PRDM2: variants seen among roughly 807,000 people sequenced by gnomAD.
PRDM2 encodes PR/SET domain 2.
PRDM2 carries 30 observed loss-of-function variants against 130.0 expected under a neutral mutation model. That is an observed-to-expected ratio of 0.23 (90% CI 0.17 to 0.31). The LOEUF is 0.31. Ranked by LOEUF, PRDM2 falls within the 10% of genes least tolerant of loss-of-function variation. The pLI, the probability that PRDM2 is intolerant of heterozygous loss-of-function variation, is 1.00. For missense variants in PRDM2, 2,011 were observed against 2,108.4 expected (o/e 0.95, Z 0.90); for synonymous variants, 871 against 782.4 (o/e 1.11, Z -1.89).
chr1:13,800,421 G>C (rs976281056), intron 8 of PRDM2, among the ~76,000 whole-genome samples: 1 of 152,224 alleles, frequency 6.6e-6, no homozygotes, highest in Non-Finnish European at 1.5e-5. Flanking sequence ...AAGGGAGGCA[G>C]GGCGCAAACT....
intron 4 of PRDM2, among the ~76,000 whole-genome samples, chr1:13,733,551 C>T (rs1207894828): frequency 6.6e-6 from 1 of 152,156 alleles, no homozygotes; most frequent in Non-Finnish European, 1.5e-5. Flanking sequence ...GTTTTCATTG[C>T]ATTGCCTGAG....
chr1:13,780,417 G>A lies in PRDM2; in HGVS notation c.2622G>A (p.Thr874=), dbSNP rs199595120. ...EFKESHSVQP[T]CSAVKKRKPT... is the part of the protein sequence containing the mutation. ...AAGAAAGTCATTCAGTGCAGCCTAC[G>A]TGTAGTGCTGTAAAGAAAAGGAAAC... is the stretch of plus-strand genomic sequence containing the variant. The change falls in exon 8 of 10, where the codon ACG becomes ACA. Residue 874 remains threonine, a synonymous_variant. Transcript: ENST00000311066. 35 of 1,614,198 alleles carry A rather than the reference G, an allele frequency of 2.2e-5. No individual in the cohort carries two copies. The highest frequency in any genetic ancestry group is 1.6e-4 in the Middle Eastern group (1 of 6,062).
chr1:13,745,035 A>G (rs1021873231), intron 5 of PRDM2, among the ~76,000 whole-genome samples: 10 of 152,336 alleles, frequency 6.6e-5, no homozygotes, highest in Non-Finnish European at 8.8e-5. Context: ...TAAATCTGCT[A>G]TCTATTCATT....
intron 6 of PRDM2, among the ~76,000 whole-genome samples, chr1:13,760,501 A>T (rs981794937): frequency 2.0e-5 from 3 of 152,180 alleles, no homozygotes; most frequent in Admixed American, 2.0e-4. Context: ...GAGAGGGGGA[A>T]AGTTGCTGAC....
chr1:13,761,742 C>G (rs1022897817), intron 6 of PRDM2, among the ~76,000 whole-genome samples: 7 of 151,996 alleles, frequency 4.6e-5, no homozygotes, highest in Non-Finnish European at 1.0e-4. Flanking sequence ...TTTTCAAACT[C>G]AAGCAGAGAC....
At chr1:13,785,350 C>T (rs1644712239) in intron 8 of PRDM2, among the ~76,000 whole-genome samples, 1 of 152,204 alleles carries the variant, frequency 6.6e-6, no homozygotes, top group Admixed American at 6.5e-5. Context: ...ACAGAACAGG[C>T]AGCACATCCT....
intron 1 of PRDM2, among the ~76,000 whole-genome samples, chr1:13,710,395 T>C (rs935660790): frequency 6.6e-6 from 1 of 152,234 alleles, no homozygotes; most frequent in Non-Finnish European, 1.5e-5. Flanking sequence ...TATTTTATTG[T>C]GGTTATATTG....
chr1:13,821,579 A>C (rs1325393549), intron 9 of PRDM2, among the ~76,000 whole-genome samples: 1 of 151,860 alleles, frequency 6.6e-6, no homozygotes, highest in Non-Finnish European at 1.5e-5. Flanking sequence ...TCTCCTCCTT[A>C]GCCTCCTGAG....
chr1:13,808,005 G>A (rs143916812), intron 8 of PRDM2, among the ~76,000 whole-genome samples: 42 of 152,256 alleles, frequency 2.8e-4, no homozygotes, highest in African/African-American at 9.6e-4. Flanking sequence ...TTTGTTCTAA[G>A]TAAAATGTCC....
chr1:13,761,104 A>G (rs1270303510), intron 6 of PRDM2, among the ~76,000 whole-genome samples: 1 of 152,246 alleles, frequency 6.6e-6, no homozygotes, highest in Non-Finnish European at 1.5e-5. Flanking sequence ...CTGTGGTGAC[A>G]TAGGTTGGTG....
At chr1:13,785,834 C>CTTTT (rs537560305) in intron 8 of PRDM2, among the ~76,000 whole-genome samples, 1 of 115,102 alleles carries the variant, frequency 8.7e-6, no homozygotes, top group African/African-American at 3.2e-5. Context: ...TTTTTGGGTT[C>CTTTT]TTTTTTTTTT....
intron 6 of PRDM2, among the ~76,000 whole-genome samples, chr1:13,765,379 C>T (rs552742224): frequency 1.3e-5 from 2 of 152,278 alleles, no homozygotes; most frequent in South Asian, 2.1e-4. Flanking sequence ...AACTGTAGAA[C>T]GTTAAACTAC....
intron 4 of PRDM2, among the ~76,000 whole-genome samples, chr1:13,734,617 T>C (rs1448312859): frequency 6.6e-6 from 1 of 152,226 alleles, no homozygotes; most frequent in African/African-American, 2.4e-5. Context: ...CCATGACTTA[T>C]TAGAATTTCT....
chr1:13,736,185 C>T (rs1045840643), intron 4 of PRDM2, among the ~76,000 whole-genome samples: 7 of 150,968 alleles, frequency 4.6e-5, no homozygotes, highest in Non-Finnish European at 8.8e-5. Flanking sequence ...ATGTTCACAG[C>T]TCATCCTCTG....
At chr1:13,728,656 GA>G (rs36074687) in intron 2 of PRDM2, among the ~76,000 whole-genome samples, 26,450 of 152,016 alleles carry the variant, frequency 0.17, 2,903 homozygotes, top group Admixed American at 0.24. Context: ...AGTCCAAAAG[GA>G]AAAACCAATG....
intron 6 of PRDM2, chr1:13,772,237 A>G (rs1212989170): frequency 6.6e-6 from 1 of 152,230 alleles, no homozygotes; most frequent in Non-Finnish European, 1.5e-5. Context: ...TGTAAAAGAA[A>G]GGTTGCAAAT....
At chr1:13,800,777 G>A (rs1323449106) in intron 8 of PRDM2, among the ~76,000 whole-genome samples, 9 of 152,040 alleles carry the variant, frequency 5.9e-5, no homozygotes, top group Admixed American at 2.0e-4. Context: ...CTGCTGGGCC[G>A]GCTCTCACTG....
chr1:13,759,889 G>T (rs949142100), intron 6 of PRDM2, among the ~76,000 whole-genome samples: 1 of 152,106 alleles, frequency 6.6e-6, no homozygotes, highest in African/African-American at 2.4e-5. Context: ...GTTGTCAGTG[G>T]TCTCAATCTT....
chr1:13,812,993 TTA>T (rs1645197728), intron 8 of PRDM2, among the ~76,000 whole-genome samples: 1 of 151,986 alleles, frequency 6.6e-6, no homozygotes, highest in African/African-American at 2.4e-5. Context: ...AGAATGAGGA[TTA>T]TTAGAGGCCA....
Sources: allele counts gnomAD v4.1 joint callset (sites outside exome capture counted in the v4.1 genomes callset), GRCh38; gene constraint gnomAD v4.1.1; transcripts MANE v1.5; gene names NCBI Gene and HGNC (gene_info 2026-07-23, HGNC 2026-07-21).